Variants in OSBPL8 observed in about 807,000 individuals in gnomAD.
OSBPL8 encodes the protein oxysterol-binding protein-related protein 8.
In OSBPL8, 59 loss-of-function variants were observed where a neutral mutation model predicts 125.5. The ratio of observed to expected loss-of-function variants is 0.47; its 90% CI spans 0.38 to 0.58. The LOEUF is 0.58. Ranked by LOEUF, OSBPL8 falls within the 20% of genes least tolerant of loss-of-function variation. OSBPL8 has a pLI of 0.00. For synonymous variants in OSBPL8, 330 were observed against 338.9 expected, an observed-to-expected ratio of 0.97 and a Z score of 0.29; for missense variants, 758 against 1,047.8, an observed-to-expected ratio of 0.72 and a Z score of 3.82.
intron 22 of OSBPL8, among the ~76,000 whole-genome samples, chr12:76,358,053 T>C (rs1411780808): frequency 6.6e-6 from 1 of 152,122 alleles, no homozygotes; most frequent in East Asian, 1.9e-4. Flanking sequence ...ATGAAAAACA[T>C]TTTTGAAGCA....
intron 5 of OSBPL8, among the ~76,000 whole-genome samples, chr12:76,408,917 GTTTAGGC>G (rs1168196855): frequency 1.3e-5 from 2 of 151,846 alleles, no homozygotes; most frequent in Non-Finnish European, 2.9e-5. Flanking sequence ...GTGTTTAGGT[GTTTAGGC>G]TTTTGAGTAC....
intron 21 of OSBPL8, among the ~76,000 whole-genome samples, chr12:76,365,765 C>T (rs920168184): frequency 3.3e-5 from 5 of 152,110 alleles, no homozygotes; most frequent in Admixed American, 6.6e-5. Context: ...GAGGAAGTCT[C>T]TTCTCTTCCT....
At position 76,501,094 on chromosome 12, in the gene OSBPL8, TAC is replaced by T. The variant is rs113039903; in HGVS notation, c.-67-13478_-67-13477del. Reference sequence around the variant, plus strand: ...GAGTAATTGTATGTGTGTGTATCTTTACACACACACACACACACATAGACACA... The same window carrying T: ...GAGTAATTGTATGTGTGTGTATCTTTACACACACACACACACATAGACACA... On this transcript the variant is annotated intron_variant, in intron 1 of 23. Coordinates refer to ENST00000261183, the MANE Select transcript of OSBPL8 (RefSeq NM_020841.5). 3.5e-3 allele frequency among the ~76,000 whole-genome samples: 530 copies of T among 150,934 alleles called. 1 individual carries two copies. Among genetic ancestry groups the T allele is most frequent in the Middle Eastern group, 6.8e-3 (2 of 294 alleles).
intron 2 of OSBPL8, among the ~76,000 whole-genome samples, chr12:76,479,338 A>G (rs918504579): frequency 1.3e-5 from 2 of 152,204 alleles, no homozygotes. Context: ...CACCCACTAC[A>G]TGCACACAAA....
intron 4 of OSBPL8, among the ~76,000 whole-genome samples, chr12:76,412,070 G>A (rs944087751): frequency 1.3e-5 from 2 of 152,092 alleles, no homozygotes; most frequent in African/African-American, 4.8e-5. Flanking sequence ...GCACAAGAAT[G>A]TTCATAGAAG....
rs996568229 is a variant in OSBPL8 at position 76,378,774 on chromosome 12, CT to C, written c.1631-225del. On this transcript the variant is annotated intron_variant, in intron 15 of 23. Transcript: ENST00000261183. ...TACTTTTAAAAGATACAGTTATGTG[CT>C]TTTTTTTTTGAGATGGAGTCTCTGT... Among the ~76,000 whole-genome samples, 420 of 148,726 alleles carry C rather than the reference CT, an allele frequency of 2.8e-3. 5 individuals are homozygous for C. The highest frequency in any genetic ancestry group is 9.8e-3 in the African/African-American group (397 of 40,636).
intron 5 of OSBPL8, among the ~76,000 whole-genome samples, chr12:76,409,332 G>A (rs1837686163): frequency 6.6e-6 from 1 of 152,080 alleles, no homozygotes; most frequent in African/African-American, 2.4e-5. Flanking sequence ...GAACAAACAG[G>A]CCTTGCTAAA....
At chr12:76,433,974 CAAAAAAAAA>C (rs34241447) in intron 4 of OSBPL8, among the ~76,000 whole-genome samples, 2 of 82,140 alleles carry the variant, frequency 2.4e-5, no homozygotes, top group South Asian at 4.8e-4. Flanking sequence ...GACTCCATCT[CAAAAAAAAA>C]AAAAAAAAAA....
chr12:76,458,922 A>C (rs1874376647), intron 3 of OSBPL8, among the ~76,000 whole-genome samples: 1 of 152,224 alleles, frequency 6.6e-6, no homozygotes, highest in African/African-American at 2.4e-5. Context: ...ATAATTGTTT[A>C]GGAATCAATA....
At chr12:76,514,464 C>T (rs935584493) in intron 1 of OSBPL8, among the ~76,000 whole-genome samples, 1 of 152,050 alleles carries the variant, frequency 6.6e-6, no homozygotes, top group Non-Finnish European at 1.5e-5. Flanking sequence ...CTTTGTTGAA[C>T]AATTTTTTCT....
At chr12:76,488,963 T>C (rs1004843484) in intron 1 of OSBPL8, among the ~76,000 whole-genome samples, 1 of 152,116 alleles carries the variant, frequency 6.6e-6, no homozygotes, top group Non-Finnish European at 1.5e-5. Context: ...TTGGAAGAAA[T>C]TAAAAGTCCT....
chr12:76,374,609 C>A (rs1478934087), intron 17 of OSBPL8, among the ~76,000 whole-genome samples: 2 of 152,128 alleles, frequency 1.3e-5, no homozygotes, highest in Admixed American at 6.6e-5. Context: ...GCCATGTATA[C>A]AGGTGCTCAG....
At position 76,557,781 on chromosome 12, in the gene OSBPL8, T is replaced by C. The variant is rs569096984; in HGVS notation, c.-68+1616A>G. 1.4e-4 allele frequency among the ~76,000 whole-genome samples: 21 copies of C among 152,306 alleles called. No individual in the cohort carries two copies. In the South Asian group the frequency reaches 4.3e-3, roughly 32 times the overall value. ...TTTAAATGAACCAAGGAACTGAATA[T>C]TGACAAATGTATAAGTACCCTGAAT... On this transcript the variant is annotated intron_variant, in intron 1 of 23. Transcript: ENST00000261183.
chr12:76,385,639 G>A (rs1416189963), intron 14 of OSBPL8, among the ~76,000 whole-genome samples: 1 of 151,958 alleles, frequency 6.6e-6, no homozygotes, highest in Non-Finnish European at 1.5e-5. Context: ...GCGGGTCAGG[G>A]TTTGTTTAGA....
rs563387314 is a variant in OSBPL8, at chr12:76,553,546, G to A, written c.-68+5851C>T. Among the ~76,000 whole-genome samples the A allele has an allele frequency of 8.6e-5, 13 of 151,168 alleles. No homozygotes were observed. In the South Asian group the frequency reaches 1.3e-3, roughly 15 times the overall value. Reference sequence around the variant, plus strand: ...AAATTAGCCAGGTGTGATGGTATTCGCCTGTAGTCCCAGCTACTTGGGAGG... The same window carrying A: ...AAATTAGCCAGGTGTGATGGTATTCACCTGTAGTCCCAGCTACTTGGGAGG... On this transcript the variant is annotated intron_variant, in intron 1 of 23. Coordinates refer to ENST00000261183, the MANE Select transcript of OSBPL8 (RefSeq NM_020841.5).
chr12:76,459,873 A>C lies in OSBPL8; in HGVS notation c.65T>G (p.Val22Gly). ...CAGCTACTTACTTGATGGCCCAAGGACATCTTTGCTATCACCAAGAAGCTT... is the reference window on the plus strand; with the variant it reads ...CAGCTACTTACTTGATGGCCCAAGGCCATCTTTGCTATCACCAAGAAGCTT... ...RTSLLGDSKD[V>G]LGPSTVVANS... Residue 22 changes from valine (V) to glycine (G), a missense_variant, in exon 3 of 24, where the codon GTC (valine) becomes GGC (glycine). Around this residue, in one of 3 missense-constraint regions of OSBPL8, gnomAD observed 117 missense variants for 137.1 expected, o/e 0.85. Transcript: ENST00000261183. The C allele has an allele frequency of 6.2e-7, 1 of 1,613,854 alleles. No individual in the cohort carries two copies.
chr12:76,501,725 C>T (rs1260824910), intron 1 of OSBPL8, among the ~76,000 whole-genome samples: 1 of 151,706 alleles, frequency 6.6e-6, no homozygotes, highest in Admixed American at 6.6e-5. Flanking sequence ...CGCTGAGTGC[C>T]CAACTGACCA....
chr12:76,451,358 C>T (rs1174080997), intron 3 of OSBPL8, among the ~76,000 whole-genome samples: 3 of 151,658 alleles, frequency 2.0e-5, no homozygotes, highest in Non-Finnish European at 4.4e-5. Context: ...AAATACAAAT[C>T]GTCGATAAAC....
intron 1 of OSBPL8, among the ~76,000 whole-genome samples, chr12:76,543,534 C>T (rs1448713759): frequency 1.3e-5 from 2 of 152,090 alleles, no homozygotes; most frequent in Admixed American, 6.6e-5. Context: ...AGTTTACTGT[C>T]GATTTTCTAC....
Sources: allele counts gnomAD v4.1 joint callset (sites outside exome capture counted in the v4.1 genomes callset), GRCh38; gene constraint gnomAD v4.1.1; regional missense constraint gnomAD v4.1.1; transcripts MANE v1.5; gene names NCBI Gene and HGNC (gene_info 2026-07-23, HGNC 2026-07-21).